Variants in CDH10 observed in about 807,000 individuals in gnomAD.
CDH10 encodes cadherin 10, also known as cadherin-10.
A neutral mutation model predicts 73.1 loss-of-function variants in CDH10; 30 were observed. The ratio of observed to expected loss-of-function variants is 0.41; its 90% CI spans 0.31 to 0.56. CDH10 has a LOEUF of 0.56. CDH10 is among the 20% of genes least tolerant of loss of function. CDH10 has a pLI of 0.27. For synonymous variants in CDH10, 345 were observed against 348.2 expected (o/e 0.99, Z 0.10); for missense variants, 815 against 973.7 (o/e 0.84, Z 2.17).
chr5:24,637,025 C>T (rs1252176696), intron 1 of CDH10, among the ~76,000 whole-genome samples: 2 of 151,950 alleles, frequency 1.3e-5, no homozygotes, highest in Non-Finnish European at 2.9e-5. Context: ...GCTATAAATG[C>T]AACAATGCAG....
intron 2 of CDH10, among the ~76,000 whole-genome samples, chr5:24,574,788 G>A (rs1377968060): frequency 4.6e-5 from 3 of 65,328 alleles, no homozygotes; most frequent in Non-Finnish European, 1.7e-4. Flanking sequence ...GAGTTAATGG[G>A]CAAATACTAA....
In CDH10 at chr5:24,620,649, A is replaced by T. The variant is rs189096657; in HGVS notation, c.-124+23945T>A. 2.6e-5 allele frequency among the ~76,000 whole-genome samples: 4 copies of T among 152,304 alleles called. No individual in the cohort carries two copies. The East Asian group carries it at 7.7e-4, about 29-fold the overall frequency. On this transcript the variant is annotated intron_variant, in intron 1 of 11. Transcript: ENST00000264463. ...TTAAAGTTGTACTTTTCTGGCCTTTATATATTGTTTAGAATTGCTTTGGGA... is the reference window on the plus strand; with the variant it reads ...TTAAAGTTGTACTTTTCTGGCCTTTTTATATTGTTTAGAATTGCTTTGGGA...
At chr5:24,587,128 G>A (rs1218845458) in intron 2 of CDH10, among the ~76,000 whole-genome samples, 5 of 152,136 alleles carry the variant, frequency 3.3e-5, no homozygotes, top group African/African-American at 1.2e-4. Context: ...ACAGGCGTGA[G>A]CCACCGCGCC....
At chr5:24,562,805 A>G (rs1420703002) in intron 2 of CDH10, among the ~76,000 whole-genome samples, 2 of 140,290 alleles carry the variant, frequency 1.4e-5, no homozygotes, top group Non-Finnish European at 3.2e-5. Flanking sequence ...TGGAGATGGA[A>G]AAAAATACCT....
At chr5:24,567,924 T>TA (rs1208804810) in intron 2 of CDH10, among the ~76,000 whole-genome samples, 1 of 152,124 alleles carries the variant, frequency 6.6e-6, no homozygotes, top group Non-Finnish European at 1.5e-5. Context: ...AGTGTTGATA[T>TA]AAAAATGTAC....
At chr5:24,643,531 G>GA (rs5866676) in intron 1 of CDH10, among the ~76,000 whole-genome samples, 1 of 149,442 alleles carries the variant, frequency 6.7e-6, no homozygotes, top group Non-Finnish European at 1.5e-5. Flanking sequence ...GATCCTTCAA[G>GA]AAAAAAAAAA....
rs35486231 is a variant in CDH10, at chr5:24,586,434, C to CTT, written c.231+6824_231+6825dup. On this transcript the variant is annotated intron_variant, in intron 2 of 11. Transcript: ENST00000264463. ...GAAAATTTACATGCTTTATTAACTC[C>CTT]TTTTTTTTTTTTTTTTTTTTTTGAG... Among the ~76,000 whole-genome samples, 817 of 100,342 alleles carry CTT rather than the reference C, an allele frequency of 8.1e-3. 30 individuals carry two copies. The highest frequency in any genetic ancestry group is 0.021 in the African/African-American group (520 of 24,270). 65.8% of individuals were successfully genotyped at this position (100,342 alleles called of 152,430 possible).
intron 2 of CDH10, among the ~76,000 whole-genome samples, chr5:24,570,177 G>T (rs1440184831): frequency 2.6e-5 from 4 of 152,074 alleles, no homozygotes; most frequent in Admixed American, 6.6e-5. Context: ...TTTTGCATAC[G>T]ATTTTAACAC....
chr5:24,534,972 T>C, intron 5 of CDH10, 140 bp downstream of exon 5: 2 of 737,204 alleles, frequency 2.7e-6, no homozygotes, highest in Non-Finnish European at 4.3e-6. Context: ...GTACACCTTT[T>C]GTTTACTTTT....
At chr5:24,622,898 T>G (rs1747364557) in intron 1 of CDH10, among the ~76,000 whole-genome samples, 1 of 152,222 alleles carries the variant, frequency 6.6e-6, no homozygotes, top group Admixed American at 6.5e-5. Flanking sequence ...AGAAATTATT[T>G]AATTTAATCC....
At chr5:24,534,985 A>G in intron 5 of CDH10, 127 bp downstream of exon 5, 3 of 848,790 alleles carry the variant, frequency 3.5e-6, no homozygotes, top group Non-Finnish European at 5.4e-6. Flanking sequence ...TTACTTTTGT[A>G]TCACATTTTC....
chr5:24,618,720 C>G (rs1747205091), intron 1 of CDH10, among the ~76,000 whole-genome samples: 1 of 152,146 alleles, frequency 6.6e-6, no homozygotes, highest in Non-Finnish European at 1.5e-5. Flanking sequence ...CTTAAACTCT[C>G]CACAACAGTG....
intron 5 of CDH10, among the ~76,000 whole-genome samples, chr5:24,519,462 T>C (rs541824207): frequency 1.3e-5 from 2 of 152,148 alleles, no homozygotes; most frequent in Admixed American, 1.3e-4. Flanking sequence ...GAAGATAGTT[T>C]CAGCACACAT....
At chr5:24,619,123 G>A (rs1747221702) in intron 1 of CDH10, among the ~76,000 whole-genome samples, 1 of 152,078 alleles carries the variant, frequency 6.6e-6, no homozygotes, top group African/African-American at 2.4e-5. Flanking sequence ...TGATTCCACA[G>A]ATGCATAATT....
In CDH10 at chr5:24,487,620, G is replaced by A. The variant is rs751227160; in HGVS notation, c.*43C>T. ...ATATTGTGAAGTGGAGACAGCATGG[G>A]TAGAGTTACTTTCTCTTGTTTGAAC... is the stretch of plus-strand genomic sequence containing the variant. On this transcript the variant is annotated 3_prime_UTR_variant, in exon 12 of 12. Coordinates refer to ENST00000264463, the MANE Select transcript of CDH10 (RefSeq NM_006727.5). 2.6e-6 allele frequency: 4 copies of A among 1,549,320 alleles called. No individual in the cohort carries two copies. The highest frequency in any genetic ancestry group is 1.7e-6 in the Non-Finnish European group (2 of 1,143,658).
intron 1 of CDH10, among the ~76,000 whole-genome samples, chr5:24,637,626 G>C (rs760770364): frequency 5.3e-5 from 8 of 151,772 alleles, no homozygotes; most frequent in Non-Finnish European, 1.2e-4. Flanking sequence ...TTAATTAGGA[G>C]CTAAAGAATA....
chr5:24,609,586 A>G (rs1186961301), intron 1 of CDH10, among the ~76,000 whole-genome samples: 2 of 152,138 alleles, frequency 1.3e-5, no homozygotes, highest in Non-Finnish European at 2.9e-5. Context: ...TGCCAGCACA[A>G]CTCTGAAAGT....
intron 2 of CDH10, among the ~76,000 whole-genome samples, chr5:24,543,680 T>C (rs1744235659): frequency 6.6e-6 from 1 of 152,048 alleles, no homozygotes; most frequent in Non-Finnish European, 1.5e-5. Context: ...TCAAATAACT[T>C]TAAATTTGCA....
At chr5:24,635,420 C>T (rs942421620) in intron 1 of CDH10, among the ~76,000 whole-genome samples, 1 of 151,938 alleles carries the variant, frequency 6.6e-6, no homozygotes, top group Non-Finnish European at 1.5e-5. Context: ...GTTAGTCTCA[C>T]TCTTTCTTAT....
Sources: allele counts gnomAD v4.1 joint callset (sites outside exome capture counted in the v4.1 genomes callset), GRCh38; gene constraint gnomAD v4.1.1; transcripts MANE v1.5; gene names NCBI Gene and HGNC (gene_info 2026-07-23, HGNC 2026-07-21).